The following PTP4A1 variants were observed in gnomAD, a reference collection of about 807,000 sequenced individuals.
The protein encoded by PTP4A1 is protein tyrosine phosphatase type IVA 1.
In PTP4A1, 9 loss-of-function variants were observed where a neutral mutation model predicts 20.5. That is an observed-to-expected ratio of 0.44 (90% CI 0.26 to 0.77). The LOEUF is 0.77. Among genes scored for constraint, PTP4A1 ranks in the 30% least tolerant of loss-of-function variants. PTP4A1 has a pLI of 0.19. For synonymous variants in PTP4A1, 78 were observed against 67.4 expected (o/e 1.16, Z -0.77); for missense variants, 137 against 218.8 (o/e 0.63, Z 2.36).
chr6:63,576,370 C>T, intron 1 of PTP4A1, 66 bp from the exon 2 acceptor site: 1 of 398,332 alleles, frequency 2.5e-6, no homozygotes, highest in Non-Finnish European at 4.4e-6. Flanking sequence ...AGTGTAAAAC[C>T]CTAATGTATT....
rs13214797 is a variant in PTP4A1, at chr6:63,552,848, T to C, written c.-446+2355T>C. Among the ~76,000 whole-genome samples, 1,133 of 152,308 alleles carry C rather than the reference T, an allele frequency of 7.4e-3. 8 individuals carry two copies. Among genetic ancestry groups the C allele is most frequent in the Non-Finnish European group, 0.013 (901 of 68,016 alleles). On this transcript the variant is annotated intron_variant, in intron 3 of 3. Coordinates refer to the PTP4A1 transcript ENST00000639568. ...TTGTCAAAGATCAGATGATTGTAGATGTGTGGTATTATTTCTGAGGGCTCT... is the reference window on the plus strand; with the variant it reads ...TTGTCAAAGATCAGATGATTGTAGACGTGTGGTATTATTTCTGAGGGCTCT...
At chr6:63,528,866 A>T (rs1775310541) in intron 2 of PTP4A1, among the ~76,000 whole-genome samples, 1 of 152,108 alleles carries the variant, frequency 6.6e-6, no homozygotes. Context: ...AGGCCGGTGG[A>T]TTACCTGAGG....
chr6:63,575,902 G>T (rs111903622), intron 1 of PTP4A1, among the ~76,000 whole-genome samples: 2,037 of 152,054 alleles, frequency 0.013, 41 homozygotes, highest in African/African-American at 0.046. Context: ...AGTTGGAAAA[G>T]AACTTAGATG....
intron 3 of PTP4A1, among the ~76,000 whole-genome samples, chr6:63,553,620 G>T (rs913638309): frequency 5.3e-5 from 8 of 152,298 alleles, no homozygotes; most frequent in Non-Finnish European, 8.8e-5. Flanking sequence ...ACTAATGAAT[G>T]ACAGCTAAGG....
At position 63,582,102 on chromosome 6, in the gene PTP4A1, A is replaced by G. The variant is rs1419299754; in HGVS notation, c.*1928A>G. The stretch of plus-strand genomic sequence containing the variant: ...TTTTAGACAGGGCAAAAGGAAGAAC[A>G]GGGGCCTCTGGAGGCCCTTGGTTAT... On this transcript the variant is annotated 3_prime_UTR_variant, in exon 6 of 6. Coordinates refer to ENST00000626021, the MANE Select transcript of PTP4A1 (RefSeq NM_003463.5). 1 of 152,014 alleles carries G rather than the reference A, an allele frequency of 6.6e-6. No homozygotes were observed. Among genetic ancestry groups the G allele is most frequent in the Non-Finnish European group, 1.5e-5 (1 of 68,002 alleles). 9.4% of individuals were successfully genotyped at this position (152,014 alleles called of 1,614,324 possible).
intron 1 of PTP4A1, among the ~76,000 whole-genome samples, chr6:63,522,365 T>TTCTAGTTAAA (rs1774964137): frequency 6.6e-6 from 1 of 152,216 alleles, no homozygotes; most frequent in African/African-American, 2.4e-5. Context: ...GCTAAAAACA[T>TTCTAGTTAAA]TCTAGTTAAA....
rs1777880885 is a variant in PTP4A1 at position 63,576,598 on chromosome 6, T to G, written c.-283T>G. ...AGAGTGGTTATCCTGGACACAGAAG[T>G]GTTGAATTGAAATCCACAGAGCATT... is the stretch of plus-strand genomic sequence containing the variant. On this transcript the variant is annotated 5_prime_UTR_variant, in exon 2 of 6. Transcript: ENST00000626021. The G allele has an allele frequency of 2.1e-6, 1 of 473,990 alleles. No homozygotes were observed. Among genetic ancestry groups the G allele is most frequent in the Non-Finnish European group, 3.7e-6 (1 of 270,490 alleles). The allele number at this position is 473,990 out of a possible 1,614,324, so 29.4% of individuals were successfully genotyped here. A position where few individuals can be genotyped will look rare whatever the true frequency, so the allele number is the denominator to read the frequency against.
At chr6:63,566,021 C>T (rs1399913288) in intron 3 of PTP4A1, among the ~76,000 whole-genome samples, 3 of 152,230 alleles carry the variant, frequency 2.0e-5, no homozygotes, top group Non-Finnish European at 4.4e-5. Context: ...AAGCCACATG[C>T]ATTTTTTGGT....
At chr6:63,556,369 C>T (rs1013990395) in intron 3 of PTP4A1, among the ~76,000 whole-genome samples, 9 of 150,444 alleles carry the variant, frequency 6.0e-5, no homozygotes, top group Non-Finnish European at 1.0e-4. Context: ...TTTGTAGAGA[C>T]GAGGTCTCAC....
chr6:63,579,904 A>G (rs1013238657), intron 5 of PTP4A1, among the ~76,000 whole-genome samples, 153 bp from the exon 6 acceptor site: 2 of 152,202 alleles, frequency 1.3e-5, no homozygotes, highest in Non-Finnish European at 2.9e-5. Context: ...ATTTACACTG[A>G]TGTGCCTGTT....
chr6:63,572,295 G>A (rs1258701651), upstream of PTP4A1: 4 of 198,148 alleles, frequency 2.0e-5, no homozygotes, highest in Non-Finnish European at 3.1e-5. Context: ...GGGATGCTCC[G>A]ACTCGGCGCT....
At chr6:63,569,512 C>T (rs753666158), upstream of PTP4A1, among the ~76,000 whole-genome samples, 4 of 152,244 alleles carry the variant, frequency 2.6e-5, no homozygotes, top group Non-Finnish European at 5.9e-5. Flanking sequence ...GATCCACCCA[C>T]CTTGGTCTCC....
chr6:63,543,019 C>A (rs149414768), intron 2 of PTP4A1, among the ~76,000 whole-genome samples: 1 of 152,156 alleles, frequency 6.6e-6, no homozygotes, highest in East Asian at 1.9e-4. Context: ...AGTTCCACTA[C>A]CCATCACAAC....
intron 3 of PTP4A1, among the ~76,000 whole-genome samples, chr6:63,552,048 G>T (rs1260699394): frequency 6.6e-6 from 1 of 152,138 alleles, no homozygotes; most frequent in African/African-American, 2.4e-5. Flanking sequence ...AATCCTTTGG[G>T]TGTATACCCA....
chr6:63,578,251 T>C (rs942632304), intron 2 of PTP4A1, among the ~76,000 whole-genome samples, 186 bp from the exon 3 acceptor site: 1 of 152,246 alleles, frequency 6.6e-6, no homozygotes, highest in African/African-American at 2.4e-5. Context: ...CTTTTCTTTT[T>C]ATATTCTAGC....
intron 3 of PTP4A1, 85 bp downstream of exon 3, chr6:63,578,614 A>G: frequency 6.6e-7 from 1 of 1,505,132 alleles, no homozygotes; most frequent in Non-Finnish European, 8.9e-7. Context: ...ATATCTATTT[A>G]AGTCATAAAT....
In PTP4A1 at chr6:63,549,825, G is replaced by A. The variant is rs564260886; in HGVS notation, c.-639-475G>A. Among the ~76,000 whole-genome samples, 8 of 152,164 alleles carry A rather than the reference G, an allele frequency of 5.3e-5. No individual in the cohort carries two copies. In the East Asian group the frequency reaches 1.5e-3, roughly 29 times the overall value. ...AGGCTTGGAAGGGTAGAGGGAAGAG[G>A]AAAATAGGGAGAGATTTGTTAAAGA... On this transcript the variant is annotated intron_variant, in intron 2 of 3. Transcript: ENST00000639568.
At position 63,580,826 on chromosome 6, in the gene PTP4A1, T is replaced by C. The variant is rs190476543; in HGVS notation, c.*652T>C. 35 of 152,648 alleles carry C rather than the reference T, an allele frequency of 2.3e-4. No homozygotes were observed. The highest frequency in any genetic ancestry group is 8.4e-4 in the African/African-American group (35 of 41,546). 9.5% of individuals were successfully genotyped at this position (152,648 alleles called of 1,614,324 possible). On this transcript the variant is annotated 3_prime_UTR_variant, in exon 6 of 6. Transcript: ENST00000626021. ...TAAAAAAACCTCCATTTTGAAAATCTACGTTGTACAGAAGCACATGTCTTT... is the reference window on the plus strand; with the variant it reads ...TAAAAAAACCTCCATTTTGAAAATCCACGTTGTACAGAAGCACATGTCTTT...
At chr6:63,551,005 T>A (rs1334743456) in intron 3 of PTP4A1, among the ~76,000 whole-genome samples, 7 of 152,212 alleles carry the variant, frequency 4.6e-5, no homozygotes, top group Non-Finnish European at 1.5e-5. Context: ...CCTGGACCTC[T>A]TAGAAAATGT....
Sources: gnomAD v4.1 joint callset for allele counts (sites outside exome capture counted in the v4.1 genomes callset) on GRCh38, gnomAD v4.1.1 for gene constraint, MANE v1.5 for transcripts, NCBI Gene and HGNC (gene_info 2026-07-23, HGNC 2026-07-21) for gene names.